The following TTC34 variants were observed in gnomAD, a reference collection of about 807,000 sequenced individuals.
TTC34 encodes tetratricopeptide repeat domain 34, also known as tetratricopeptide repeat protein 34.
A neutral mutation model predicts 40.7 loss-of-function variants in TTC34; 44 were observed. The ratio of observed to expected loss-of-function variants is 1.08; its 90% CI spans 0.85 to 1.39. The LOEUF is 1.39. Among genes scored for constraint, TTC34 ranks in the 40% most tolerant of loss-of-function variants. The probability of loss-of-function intolerance (pLI) is 0.00; values close to 1 mark genes in which losing one functional copy is unlikely to be tolerated. For missense variants in TTC34, 884 were observed against 838.0 expected (o/e 1.05, Z -0.68); for synonymous variants, 422 against 398.6 (o/e 1.06, Z -0.70).
At chr1:2,755,826 A>C (rs1217001858) in intron 6 of TTC34, among the ~76,000 whole-genome samples, 11 of 56,264 alleles carry the variant, frequency 2.0e-4, no homozygotes, top group South Asian at 8.3e-4. Flanking sequence ...ACCCACAACC[A>C]CAGGTGAGCA....
At chr1:2,683,411 A>T (rs1380144155) in intron 6 of TTC34, among the ~76,000 whole-genome samples, 3 of 120,438 alleles carry the variant, frequency 2.5e-5, no homozygotes, top group Non-Finnish European at 3.6e-5. Flanking sequence ...AGCATCCGAT[A>T]GCCTGGAACA....
intron 6 of TTC34, among the ~76,000 whole-genome samples, chr1:2,683,537 G>C (rs1433423196): frequency 2.7e-5 from 4 of 149,832 alleles, no homozygotes; most frequent in African/African-American, 5.0e-5. Context: ...CTGATGGTCT[G>C]GAGCAGCACC....
Position 2,691,053 on chromosome 1 carries a change from AC to A in TTC34, c.2227-45491del, listed in dbSNP as rs574027353. Among the ~76,000 whole-genome samples the A allele has an allele frequency of 7.0e-4, 59 of 83,718 alleles. 17 individuals are homozygous for A. Among genetic ancestry groups the A allele is most frequent in the African/African-American group, 2.2e-3 (57 of 26,048 alleles). 54.9% of individuals were successfully genotyped at this position (83,718 alleles called of 152,430 possible). ...CGAGCATCTGACAGCCTCGGTCAGC[AC>A]CCACAAACCCAGGTGAGCATCTGAT... On this transcript the variant is annotated intron_variant, in intron 6 of 8. Transcript: ENST00000401095.
intron 6 of TTC34, among the ~76,000 whole-genome samples, chr1:2,650,029 C>A (rs1376778180): frequency 6.6e-6 from 1 of 151,534 alleles, no homozygotes; most frequent in Non-Finnish European, 1.5e-5. Flanking sequence ...GAGCATCTGA[C>A]AGCCTGGAAT....
intron 6 of TTC34, among the ~76,000 whole-genome samples, chr1:2,780,802 T>G (rs1468744816): frequency 2.0e-5 from 3 of 152,210 alleles, no homozygotes; most frequent in Non-Finnish European, 4.4e-5. Flanking sequence ...AAAACATTAT[T>G]GAGATTTTGA....
chr1:2,646,200 T>C (rs1391820415), intron 6 of TTC34, among the ~76,000 whole-genome samples: 2 of 152,196 alleles, frequency 1.3e-5, no homozygotes, highest in African/African-American at 4.8e-5. Context: ...GCCTTACAGC[T>C]ATGAACAAGC....
chr1:2,751,622 CTGACGGCCTG>C (rs1641323308), intron 6 of TTC34, among the ~76,000 whole-genome samples: 2 of 17,044 alleles, frequency 1.2e-4, no homozygotes, highest in African/African-American at 2.1e-4. Flanking sequence ...AGGCGAGCAT[CTGACGGCCTG>C]GAACAGCACC....
At chr1:2,680,279 C>CAG (rs1640020901) in intron 6 of TTC34, among the ~76,000 whole-genome samples, 2 of 41,102 alleles carry the variant, frequency 4.9e-5, no homozygotes. Context: ...GAGCATCTGA[C>CAG]CGAACGGAGC....
chr1:2,798,549 G>A (rs1295405727), intron 2 of TTC34, among the ~76,000 whole-genome samples: 1 of 100,644 alleles, frequency 9.9e-6, no homozygotes, highest in African/African-American at 4.1e-5. Flanking sequence ...TAGCCCCTCA[G>A]CTCCCCAGCC....
chr1:2,656,196 C>T (rs1570763177), intron 6 of TTC34, among the ~76,000 whole-genome samples: 1 of 151,494 alleles, frequency 6.6e-6, no homozygotes, highest in Non-Finnish European at 1.5e-5. Flanking sequence ...CCTCTGACAG[C>T]CTGGAACAGC....
At chr1:2,771,306 G>T (rs1177545182) in intron 6 of TTC34, among the ~76,000 whole-genome samples, 10 of 54,830 alleles carry the variant, frequency 1.8e-4, no homozygotes, top group Middle Eastern at 8.9e-3. Context: ...CTGACCGCAT[G>T]GAATGGCATC....
At chr1:2,648,983 G>T (rs1639073773) in intron 6 of TTC34, among the ~76,000 whole-genome samples, 1 of 151,518 alleles carries the variant, frequency 6.6e-6, no homozygotes, top group African/African-American at 2.4e-5. Flanking sequence ...GTATCTGACA[G>T]CCTGGGAATG....
chr1:2,677,933 C>G (rs1239204557), intron 6 of TTC34, among the ~76,000 whole-genome samples: 4 of 35,544 alleles, frequency 1.1e-4, no homozygotes, highest in Admixed American at 3.1e-4. Context: ...CACCCTGCAC[C>G]CCCAGGTGAG....
intron 6 of TTC34, chr1:2,776,389 G>T (rs1215169365): frequency 7.1e-6 from 1 of 141,358 alleles, no homozygotes; most frequent in Non-Finnish European, 1.5e-5. Context: ...CGACAGCCTG[G>T]AACAGCAGCT....
At chr1:2,748,491 GCATC>G (rs1641218549) in intron 6 of TTC34, among the ~76,000 whole-genome samples, 4 of 138,076 alleles carry the variant, frequency 2.9e-5, no homozygotes, top group African/African-American at 1.0e-4. Flanking sequence ...CCCCGGGTGA[GCATC>G]CGATAGCCTG....
At chr1:2,700,210 C>G (rs112727927) in intron 6 of TTC34, among the ~76,000 whole-genome samples, 1 of 75,654 alleles carries the variant, frequency 1.3e-5, no homozygotes, top group Non-Finnish European at 3.1e-5. Flanking sequence ...CAGCGCCGAC[C>G]CCCCCAGGGT....
chr1:2,698,557 A>AAG (rs1640975197), intron 6 of TTC34, among the ~76,000 whole-genome samples: 1 of 115,718 alleles, frequency 8.6e-6, no homozygotes, highest in African/African-American at 3.4e-5. Flanking sequence ...AGCCTGGAGC[A>AAG]GCACCCACAC....
At chr1:2,681,989 C>A (rs1275554479) in intron 6 of TTC34, among the ~76,000 whole-genome samples, 1 of 122,258 alleles carries the variant, frequency 8.2e-6, no homozygotes, top group South Asian at 2.7e-4. Flanking sequence ...CCCACACCCC[C>A]AGGTGAGCAT....
At chr1:2,798,703 G>A (rs145203785) in intron 2 of TTC34, among the ~76,000 whole-genome samples, 83 of 5,334 alleles carry the variant, frequency 0.016, no homozygotes, top group South Asian at 0.03. Context: ...GCCCCCCAGC[G>A]TCCCAGCCTC....
Sources: gnomAD v4.1 joint callset for allele counts (sites outside exome capture counted in the v4.1 genomes callset) on GRCh38, gnomAD v4.1.1 for gene constraint, MANE v1.5 for transcripts, NCBI Gene and HGNC (gene_info 2026-07-23, HGNC 2026-07-21) for gene names.